CADM2: variants seen among roughly 807,000 people sequenced by gnomAD.
The protein encoded by CADM2 is cell adhesion molecule 2, also known as immunoglobulin superfamily member 4D.
CADM2 carries 12 observed loss-of-function variants against 49.8 expected under a neutral mutation model. The observed-to-expected ratio is 0.24, with a 90% CI of 0.15 to 0.39. The LOEUF is 0.39. CADM2 is among the 10% of genes least tolerant of loss of function. CADM2 has a pLI of 1.00. For missense variants in CADM2, 378 were observed against 492.3 expected (o/e 0.77, Z 2.20); for synonymous variants, 214 against 175.4 (o/e 1.22, Z -1.74).
intron 8 of CADM2, among the ~76,000 whole-genome samples, chr3:85,968,696 T>C (rs987837529): frequency 2.0e-5 from 3 of 151,698 alleles, no homozygotes; most frequent in African/African-American, 7.2e-5. Flanking sequence ...TATATTTGTT[T>C]ATGTGGAAAT....
chr3:85,568,397 C>CTCTTTT lies in CADM2; in HGVS notation c.62-158120_62-158119insTTCTTT, dbSNP rs1553743549. 3.8e-5 allele frequency among the ~76,000 whole-genome samples: 2 copies of CTCTTTT among 52,026 alleles called. 1 individual carries two copies. Among genetic ancestry groups the CTCTTTT allele is most frequent in the African/African-American group, 8.6e-5 (2 of 23,264 alleles). The allele number at this position is 52,026 out of a possible 152,430, so 34.1% of individuals were successfully genotyped here. ...GTTACCTACAATCTTTCCTTCCTCC[C>CTCTTTT]TCTTTCTTTCTTTCTTTCTTTCTTT... On this transcript the variant is annotated intron_variant, in intron 1 of 9. Coordinates refer to ENST00000383699, the MANE Select transcript of CADM2 (RefSeq NM_001167675.2).
chr3:85,700,735 C>G lies in CADM2; in HGVS notation c.62-25787C>G, dbSNP rs188791389. Among the ~76,000 whole-genome samples the G allele has an allele frequency of 3.9e-5, 6 of 152,292 alleles. No individual in the cohort carries two copies. The East Asian group carries it at 1.2e-3, about 29-fold the overall frequency. On this transcript the variant is annotated intron_variant, in intron 1 of 9. Transcript: ENST00000383699. ...TTACTCCAGTTCCAAATAAGTTCCT[C>G]ATTTCCATTTGAGATCTCATTAGTC...
chr3:85,200,909 A>G (rs544310307), intron 1 of CADM2, among the ~76,000 whole-genome samples: 8 of 152,222 alleles, frequency 5.3e-5, no homozygotes, highest in African/African-American at 1.7e-4. Flanking sequence ...TCTTAAAGTA[A>G]TTATATGTTA....
chr3:85,835,226 G>C (rs748298780), intron 3 of CADM2, among the ~76,000 whole-genome samples: 9 of 150,996 alleles, frequency 6.0e-5, no homozygotes, highest in Non-Finnish European at 1.0e-4. Flanking sequence ...TTAATGTTTT[G>C]ATAGACATAT....
intron 1 of CADM2, among the ~76,000 whole-genome samples, chr3:85,267,229 G>C (rs939631750): frequency 4.0e-5 from 6 of 151,716 alleles, no homozygotes; most frequent in South Asian, 2.1e-4. Flanking sequence ...GAAATGTTGA[G>C]TAAAATGTGA....
At chr3:85,444,074 C>T (rs569640613) in intron 1 of CADM2, among the ~76,000 whole-genome samples, 2 of 152,216 alleles carry the variant, frequency 1.3e-5, no homozygotes, top group African/African-American at 4.8e-5. Flanking sequence ...TTTCACACTC[C>T]GCTTTCAACC....
At chr3:85,228,706 A>G (rs998021915) in intron 1 of CADM2, among the ~76,000 whole-genome samples, 1 of 151,954 alleles carries the variant, frequency 6.6e-6, no homozygotes, top group Non-Finnish European at 1.5e-5. Flanking sequence ...TTTGTCATAG[A>G]GGTGCACCCG....
chr3:85,462,307 A>G (rs1396094549), intron 1 of CADM2, among the ~76,000 whole-genome samples: 1 of 152,194 alleles, frequency 6.6e-6, no homozygotes, highest in South Asian at 2.1e-4. Context: ...TCCCCCAGGA[A>G]TAGAACAGCT....
intron 1 of CADM2, among the ~76,000 whole-genome samples, chr3:85,564,363 G>A (rs1027937931): frequency 6.6e-6 from 1 of 152,160 alleles, no homozygotes; most frequent in African/African-American, 2.4e-5. Flanking sequence ...AGATATCTTA[G>A]CAATGAAATA....
At chr3:85,123,595 G>A (rs1369334232) in intron 1 of CADM2, among the ~76,000 whole-genome samples, 2 of 151,960 alleles carry the variant, frequency 1.3e-5, no homozygotes, top group African/African-American at 4.8e-5. Flanking sequence ...TCCCTAGGAA[G>A]GACATAACTG....
At chr3:85,428,075 A>T (rs2036495563) in intron 1 of CADM2, among the ~76,000 whole-genome samples, 1 of 151,904 alleles carries the variant, frequency 6.6e-6, no homozygotes, top group Non-Finnish European at 1.5e-5. Context: ...CTACTAAGTC[A>T]TCTTGTCCAA....
At chr3:85,630,431 T>C (rs983554189) in intron 1 of CADM2, among the ~76,000 whole-genome samples, 3 of 152,068 alleles carry the variant, frequency 2.0e-5, no homozygotes, top group African/African-American at 4.8e-5. Context: ...TACCTGGCAA[T>C]ACTGCCATCT....
intron 2 of CADM2, among the ~76,000 whole-genome samples, chr3:85,797,093 AAAAAAAAAAAAGAAAAAG>A (rs1485042137): frequency 3.4e-5 from 5 of 147,260 alleles, no homozygotes; most frequent in Admixed American, 1.4e-4. Context: ...AATCCATTTA[AAAAAAAAAAAAGAAAAAG>A]AAAAAAAAAA....
At chr3:85,447,466 T>G (rs2037521477) in intron 1 of CADM2, among the ~76,000 whole-genome samples, 1 of 152,206 alleles carries the variant, frequency 6.6e-6, no homozygotes, top group South Asian at 2.1e-4. Context: ...TTGTTCTGAA[T>G]CATAAAGTTT....
intron 1 of CADM2, among the ~76,000 whole-genome samples, chr3:85,291,406 G>C (rs1410204444): frequency 1.3e-5 from 2 of 150,380 alleles, no homozygotes; most frequent in East Asian, 3.9e-4. Flanking sequence ...TAGAAAGGCA[G>C]GCCAACGTTC....
At chr3:85,777,525 G>A (rs1425906914) in intron 2 of CADM2, among the ~76,000 whole-genome samples, 1 of 152,076 alleles carries the variant, frequency 6.6e-6, no homozygotes, top group African/African-American at 2.4e-5. Context: ...AAAGTGCTGG[G>A]ATTAAAGCAT....
intron 2 of CADM2, among the ~76,000 whole-genome samples, chr3:85,763,772 T>A (rs73845645): frequency 0.051 from 7,740 of 152,202 alleles, 558 homozygotes; most frequent in African/African-American, 0.16. Context: ...CATAATCTAG[T>A]CATTAGGCTG....
intron 1 of CADM2, among the ~76,000 whole-genome samples, chr3:84,983,200 A>G (rs1462289774): frequency 6.6e-6 from 1 of 152,144 alleles, no homozygotes; most frequent in Non-Finnish European, 1.5e-5. Flanking sequence ...ACTCTCACTA[A>G]AAGACCATTT....
chr3:85,526,615 A>G (rs1181399128), intron 1 of CADM2, among the ~76,000 whole-genome samples: 1 of 152,200 alleles, frequency 6.6e-6, no homozygotes, highest in African/African-American at 2.4e-5. Context: ...TTTTCTTCAC[A>G]TAAAAAAACT....
Sources: gnomAD v4.1 joint callset for allele counts (sites outside exome capture counted in the v4.1 genomes callset) on GRCh38, gnomAD v4.1.1 for gene constraint, MANE v1.5 for transcripts, NCBI Gene and HGNC (gene_info 2026-07-23, HGNC 2026-07-21) for gene names.